The following SFI1 variants were observed in gnomAD, a reference collection of about 807,000 sequenced individuals.
The protein encoded by SFI1 is SFI1 centrin binding protein, also known as protein SFI1 homolog.
A neutral mutation model predicts 207.5 loss-of-function variants in SFI1; 195 were observed. That is an observed-to-expected ratio of 0.94 (90% CI 0.84 to 1.06). SFI1 has a LOEUF of 1.06. SFI1 is among the 50% of genes least tolerant of loss of function. The probability of loss-of-function intolerance (pLI) is 0.00; values close to 1 mark genes in which losing one functional copy is unlikely to be tolerated. For missense variants in SFI1, 1,634 were observed against 1,588.0 expected (o/e 1.03, Z -0.49); for synonymous variants, 630 against 598.9 (o/e 1.05, Z -0.76).
At position 31,550,236 on chromosome 22, in the gene SFI1, C is replaced by CT. The variant is rs780677098; in HGVS notation, c.450-11dup. The CT allele has an allele frequency of 5.0e-6, 8 of 1,607,968 alleles. No homozygotes were observed. Among genetic ancestry groups the CT allele is most frequent in the East Asian group, 2.2e-5 (1 of 44,802 alleles). On this transcript the variant is annotated splice_polypyrimidine_tract_variant and intron_variant, in intron 5 of 32. Coordinates refer to ENST00000400288, the MANE Select transcript of SFI1 (RefSeq NM_001007467.3). ...TGTTATTTTGAAGAAATGCCATTTACTTTTTTTGGCTCCTCAGGTATTACC... is the reference window on the plus strand; with the variant it reads ...TGTTATTTTGAAGAAATGCCATTTACTTTTTTTTGGCTCCTCAGGTATTACC...
At chr22:31,496,703 C>G (rs547769715) in intron 1 of SFI1, 66 bp downstream of exon 1, 31 of 152,390 alleles carry the variant, frequency 2.0e-4, no homozygotes, top group African/African-American at 7.5e-4. Context: ...GTGAGCCCGG[C>G]AAGGACCTCA....
chr22:31,607,253 T>G (rs2069187467), intron 21 of SFI1, among the ~76,000 whole-genome samples: 1 of 152,108 alleles, frequency 6.6e-6, no homozygotes, highest in Non-Finnish European at 1.5e-5. Flanking sequence ...ATTGTGATTT[T>G]GTAGGCATCA....
At position 31,608,053 on chromosome 22, in the gene SFI1, C is replaced by G. The variant is rs1269566961; in HGVS notation, c.2254+20C>G. On this transcript the variant is annotated intron_variant, in intron 22 of 32. Transcript: ENST00000400288. ...ACAGGGGTAAGTGGGGCCCCAGAAG[C>G]AAGTCATGTTGAGGAATGTGAAGAC... is the stretch of plus-strand genomic sequence containing the variant. 1.2e-6 allele frequency: 2 copies of G among 1,601,162 alleles called. No homozygotes were observed. Among genetic ancestry groups the G allele is most frequent in the Admixed American group, 3.3e-5 (2 of 59,936 alleles).
Position 31,531,135 on chromosome 22 carries a change from A to T in SFI1, c.338+6A>T. The stretch of plus-strand genomic sequence containing the variant: ...GTATTTCCCTCTAAAGCCAGGTAGT[A>T]TTAGCTCAGAACAACATAATTGTGT... On this transcript the variant is annotated splice_donor_region_variant and intron_variant, in intron 4 of 32. Coordinates refer to ENST00000400288, the MANE Select transcript of SFI1 (RefSeq NM_001007467.3). 2 of 1,607,768 alleles carry T rather than the reference A, an allele frequency of 1.2e-6. No homozygotes were observed. Among genetic ancestry groups the T allele is most frequent in the African/African-American group, 2.7e-5 (2 of 74,802 alleles).
Position 31,580,351 on chromosome 22 carries a change from A to C in SFI1, c.1235A>C (p.Gln412Pro), listed in dbSNP as rs1358578236. 8.7e-6 allele frequency: 14 copies of C among 1,613,804 alleles called. No homozygotes were observed. Among genetic ancestry groups the C allele is most frequent in the Non-Finnish European group, 9.3e-6 (11 of 1,179,746 alleles). Residue 412 changes from glutamine (Q) to proline (P), a missense_variant, in exon 12 of 33, where the codon CAG becomes CCG. Physicochemically the swap from Gln to Pro is moderately conservative, Grantham distance 76. Transcript: ENST00000400288. ...ATAAGAAGGAATCTTGCTCACCAGC[A>C]GCATGGTGTCACGGTGAGGGTTGTC... is the stretch of plus-strand genomic sequence containing the variant. Reference protein sequence around the residue: ...QQIRRNLAHQQHGVTLLHRFW... With the variant: ...QQIRRNLAHQPHGVTLLHRFW...
intron 15 of SFI1, among the ~76,000 whole-genome samples, chr22:31,592,933 C>T (rs1471812388): frequency 1.0e-4 from 11 of 106,640 alleles, no homozygotes; most frequent in African/African-American, 4.1e-4. Flanking sequence ...TAGGGGCGGC[C>T]GGGCAGAGGC....
rs1346860032 is a variant in SFI1 at position 31,604,355 on chromosome 22, A to G, written c.1928A>G (p.Asp643Gly). ...GAERQKLMRA[D>G]LHHQHSVLHR... The stretch of plus-strand genomic sequence containing the variant: ...GAGCGGCAGAAGCTGATGCGAGCAG[A>G]CCTGCACCACCAGCACAGCGTGCTG... The change falls in exon 19 of 33, where the codon GAC becomes GGC. Residue 643 changes from aspartate to glycine, a missense_variant. Transcript: ENST00000400288. 1.3e-6 allele frequency: 2 copies of G among 1,578,562 alleles called. No homozygotes were observed. Among genetic ancestry groups the G allele is most frequent in the South Asian group, 1.2e-5 (1 of 86,454 alleles).
chr22:31,547,922 T>C (rs1299176562), intron 5 of SFI1, among the ~76,000 whole-genome samples: 1 of 148,590 alleles, frequency 6.7e-6, no homozygotes, highest in East Asian at 2.2e-4. Flanking sequence ...GTTTTAAAAA[T>C]AATAAATTGT....
Position 31,561,328 on chromosome 22 carries a change from T to A in SFI1, c.701T>A (p.Val234Asp), listed in dbSNP as rs764236180. The change falls in exon 8 of 33, where the codon GTC becomes GAC. Residue 234 changes from valine to aspartate, a missense_variant. Val to Asp is a radical substitution (Grantham distance 152). Transcript: ENST00000400288. ...WSTWRQRLGQVRVSRALHASA... is the reference protein window; with the variant it reads ...WSTWRQRLGQDRVSRALHASA... ...ACGTGGAGGCAGCGACTAGGACAGG[T>A]CCGTGTGAGCCGTGCCCTCCATGCC... is the stretch of plus-strand genomic sequence containing the variant. The A allele has an allele frequency of 1.5e-5, 24 of 1,613,966 alleles. No individual in the cohort carries two copies. The highest frequency in any genetic ancestry group is 1.9e-5 in the Non-Finnish European group (22 of 1,180,004).
intron 7 of SFI1, among the ~76,000 whole-genome samples, chr22:31,558,013 A>G (rs2061335570): frequency 6.6e-6 from 1 of 152,194 alleles, no homozygotes; most frequent in South Asian, 2.1e-4. Context: ...TGAACAAAGT[A>G]TGGATAATAG....
At chr22:31,547,622 T>G (rs2060216227) in intron 5 of SFI1, among the ~76,000 whole-genome samples, 1 of 113,536 alleles carries the variant, frequency 8.8e-6, no homozygotes, top group South Asian at 2.5e-4. Context: ...GTTTTTTTTG[T>G]TTTTTTTTGT....
intron 2 of SFI1, among the ~76,000 whole-genome samples, chr22:31,521,744 A>G (rs2057292807): frequency 6.6e-6 from 1 of 151,994 alleles, no homozygotes; most frequent in Admixed American, 6.6e-5. Flanking sequence ...ATAACAAAAA[A>G]CTTACTATTT....
chr22:31,612,392 A>ATACATAT (rs1421688039), intron 24 of SFI1: 1 of 107,418 alleles, frequency 9.3e-6, no homozygotes, highest in African/African-American at 3.8e-5. Flanking sequence ...AAAAAAAAAA[A>ATACATAT]AAAAAAATAT....
At chr22:31,599,467 T>C (rs895071245) in intron 15 of SFI1, among the ~76,000 whole-genome samples, 2 of 151,578 alleles carry the variant, frequency 1.3e-5, no homozygotes, top group Non-Finnish European at 2.9e-5. Context: ...GCTGGGACTA[T>C]AGGCACACGC....
chr22:31,603,312 A>G (rs2068428220), intron 17 of SFI1, among the ~76,000 whole-genome samples: 1 of 152,198 alleles, frequency 6.6e-6, no homozygotes, highest in African/African-American at 2.4e-5. Flanking sequence ...GATAAGGGAT[A>G]GGGACAGCAG....
intron 2 of SFI1, among the ~76,000 whole-genome samples, chr22:31,512,287 G>A (rs1255481711): frequency 4.0e-5 from 6 of 151,238 alleles, no homozygotes; most frequent in South Asian, 2.1e-4. Context: ...CCCGGGAGGC[G>A]GAGGTTGCGG....
chr22:31,542,976 T>TC (rs1491507676), intron 4 of SFI1, among the ~76,000 whole-genome samples: 1 of 95,312 alleles, frequency 1.0e-5, no homozygotes, highest in Admixed American at 1.2e-4. Context: ...TTTTTTTTTC[T>TC]TTTTTTTTTT....
intron 27 of SFI1, chr22:31,614,264 C>T (rs2070951018): frequency 3.1e-6 from 1 of 321,442 alleles, no homozygotes. Context: ...GTCAGAAGCC[C>T]CTCTTTCTTG....
chr22:31,614,073 C>A, intron 27 of SFI1: 1 of 601,802 alleles, frequency 1.7e-6, no homozygotes, highest in Non-Finnish European at 2.7e-6. Flanking sequence ...TCTCCTTTGC[C>A]TGCCAAAGCT....
Sources: allele counts gnomAD v4.1 joint callset (sites outside exome capture counted in the v4.1 genomes callset), GRCh38; gene constraint gnomAD v4.1.1; transcripts MANE v1.5; gene names NCBI Gene and HGNC (gene_info 2026-07-23, HGNC 2026-07-21).